Variants in LRRFIP1 observed in about 807,000 individuals in gnomAD.
LRRFIP1 encodes LRR binding FLII interacting protein 1, also known as leucine-rich repeat flightless-interacting protein 1.
A neutral mutation model predicts 104.4 loss-of-function variants in LRRFIP1; 62 were observed. The observed-to-expected ratio is 0.59, with a 90% CI of 0.48 to 0.73. The LOEUF is 0.73. LRRFIP1 is among the 30% of genes least tolerant of loss of function. LRRFIP1 has a pLI of 0.00. For synonymous variants in LRRFIP1, 300 were observed against 299.0 expected (o/e 1.00, Z -0.03); for missense variants, 796 against 824.5 (o/e 0.97, Z 0.42).
intron 19 of LRRFIP1, chr2:237,764,311 A>C: frequency 6.6e-7 from 1 of 1,521,830 alleles, no homozygotes; most frequent in Non-Finnish European, 8.8e-7. Context: ...ATTTCCATGT[A>C]ATCATTGAGG....
intron 1 of LRRFIP1, among the ~76,000 whole-genome samples, chr2:237,690,796 A>C (rs985095035): frequency 3.3e-5 from 5 of 152,140 alleles, no homozygotes; most frequent in African/African-American, 1.2e-4. Context: ...TAAGCGTTAC[A>C]GGGAGAAAAC....
At chr2:237,635,304 T>C (rs146548731) in intron 1 of LRRFIP1, among the ~76,000 whole-genome samples, 25 of 152,308 alleles carry the variant, frequency 1.6e-4, no homozygotes, top group African/African-American at 5.3e-4. Context: ...GTATTGTTAA[T>C]TGGAAAAAGT....
At chr2:237,767,175 CAAAAA>C (rs559639853) in intron 19 of LRRFIP1, among the ~76,000 whole-genome samples, 4 of 147,838 alleles carry the variant, frequency 2.7e-5, no homozygotes, top group African/African-American at 7.5e-5. Context: ...AACCCTGTCT[CAAAAA>C]AAAAGAAAGA....
In LRRFIP1 at chr2:237,717,446, G is replaced by A. The variant is rs1445603404; in HGVS notation, c.202-316G>A. Among the ~76,000 whole-genome samples the A allele has an allele frequency of 2.0e-5, 3 of 152,196 alleles. No individual in the cohort carries two copies. Among genetic ancestry groups the A allele is most frequent in the African/African-American group, 7.2e-5 (3 of 41,446 alleles). The stretch of plus-strand genomic sequence containing the variant: ...GCAGCCTGTTGGAGGGGGCGTGAAG[G>A]CTGCTGGGCCGGCTTTACTGTCCTG... On this transcript the variant is annotated intron_variant, in intron 3 of 23. Transcript: ENST00000308482. The surrounding 1 kb of genome is among the most constrained non-coding windows in gnomAD (Gnocchi z 4.2).
intron 2 of LRRFIP1, among the ~76,000 whole-genome samples, chr2:237,708,962 A>C (rs2093950124): frequency 6.6e-6 from 1 of 152,230 alleles, no homozygotes; most frequent in South Asian, 2.1e-4. Flanking sequence ...GATCCTCTGG[A>C]TTAAAGTGGA....
chr2:237,627,763 C>CG (rs1295754893), intron 1 of LRRFIP1, 23 bp downstream of exon 1: 18 of 1,207,160 alleles, frequency 1.5e-5, no homozygotes, highest in South Asian at 2.8e-5. Context: ...GGAGGGCAGC[C>CG]GGGGGGCGCC....
chr2:237,666,219 T>C (rs919850062), intron 1 of LRRFIP1, among the ~76,000 whole-genome samples: 2 of 152,262 alleles, frequency 1.3e-5, no homozygotes, highest in African/African-American at 4.8e-5. Flanking sequence ...TGAGTCGGGC[T>C]CCATCCCCCA....
intron 1 of LRRFIP1, among the ~76,000 whole-genome samples, chr2:237,664,462 G>C (rs2149488064): frequency 6.6e-6 from 1 of 152,340 alleles, no homozygotes; most frequent in South Asian, 2.1e-4. Context: ...GCCGCCTCGG[G>C]AACAGAAAAG....
At chr2:237,708,516 C>T in intron 1 of LRRFIP1, 28 bp from the exon 2 acceptor site, 2 of 1,534,468 alleles carry the variant, frequency 1.3e-6, no homozygotes, top group South Asian at 1.3e-5. Flanking sequence ...CTGCTCTGTC[C>T]TCTAATAAGA....
At chr2:237,765,837 A>G (rs1340212544) in intron 19 of LRRFIP1, 11 of 976,830 alleles carry the variant, frequency 1.1e-5, no homozygotes, top group Middle Eastern at 5.3e-4. Context: ...ATTGAATGCA[A>G]AAAGACCAAA....
intron 10 of LRRFIP1, among the ~76,000 whole-genome samples, chr2:237,737,713 T>C (rs2095295267): frequency 6.6e-6 from 1 of 152,214 alleles, no homozygotes; most frequent in Non-Finnish European, 1.5e-5. Flanking sequence ...CATTAAGTGT[T>C]TTCCTTATTT....
chr2:237,762,942 G>A, intron 19 of LRRFIP1: 1 of 1,614,248 alleles, frequency 6.2e-7, no homozygotes, highest in East Asian at 2.2e-5. Context: ...CCATCCAACT[G>A]TTGGAGTGAC....
chr2:237,728,428 G>A (rs931250137), intron 8 of LRRFIP1, among the ~76,000 whole-genome samples: 5 of 151,452 alleles, frequency 3.3e-5, no homozygotes, highest in African/African-American at 1.2e-4. Context: ...AAGGCTCCCA[G>A]TTAAGGGGTG....
Position 237,781,532 on chromosome 2 carries a change from C to T in LRRFIP1, c.*2000C>T, listed in dbSNP as rs2061425373. Among the ~76,000 whole-genome samples, 1 of 152,206 alleles carries T rather than the reference C, an allele frequency of 6.6e-6. No individual in the cohort carries two copies. The highest frequency in any genetic ancestry group is 6.5e-5 in the Admixed American group (1 of 15,288). On this transcript the variant is annotated 3_prime_UTR_variant, in exon 24 of 24. Transcript: ENST00000308482. The stretch of plus-strand genomic sequence containing the variant: ...AGCCTTCAGTCTCTACCTCTCCCAC[C>T]AATTCTTTTGGAAACAGCAAACCAA...
intron 20 of LRRFIP1, among the ~76,000 whole-genome samples, chr2:237,771,601 T>C (rs1286189107): frequency 8.0e-6 from 1 of 125,668 alleles, no homozygotes; most frequent in African/African-American, 3.0e-5. Flanking sequence ...CATGTTTCTG[T>C]CTTGCTTAGA....
intron 1 of LRRFIP1, among the ~76,000 whole-genome samples, chr2:237,689,355 C>T (rs1362675701): frequency 6.6e-6 from 1 of 152,178 alleles, no homozygotes; most frequent in African/African-American, 2.4e-5. Flanking sequence ...GAGACTTCCA[C>T]CTCACAGGAC....
chr2:237,650,628 CA>C (rs1321403792), intron 1 of LRRFIP1, among the ~76,000 whole-genome samples: 1 of 152,220 alleles, frequency 6.6e-6, no homozygotes, highest in African/African-American at 2.4e-5. Flanking sequence ...GGGGCAAGAG[CA>C]GAAGCCAGAG....
At chr2:237,665,479 C>T (rs1417002841) in intron 1 of LRRFIP1, among the ~76,000 whole-genome samples, 1 of 152,196 alleles carries the variant, frequency 6.6e-6, no homozygotes, top group African/African-American at 2.4e-5. Context: ...GAGATACCAA[C>T]AAGCCAACAC....
In LRRFIP1 at chr2:237,781,118, T is replaced by C. The variant is rs2061420921; in HGVS notation, c.*1586T>C. Among the ~76,000 whole-genome samples the C allele has an allele frequency of 6.6e-6, 1 of 152,092 alleles. No individual in the cohort carries two copies. Among genetic ancestry groups the C allele is most frequent in the Non-Finnish European group, 1.5e-5 (1 of 68,036 alleles). On this transcript the variant is annotated 3_prime_UTR_variant, in exon 24 of 24. Coordinates refer to ENST00000308482, the MANE Select transcript of LRRFIP1 (RefSeq NM_001137550.2). ...GCTGGGCCCACCGGCAAAAGGGAGA[T>C]ATTCAGTTCCTTGTCTCATCCTTAA...
Sources: gnomAD v4.1 joint callset for allele counts (sites outside exome capture counted in the v4.1 genomes callset) on GRCh38, gnomAD v4.1.1 for gene constraint, Gnocchi (gnomAD v3.1) non-coding constraint, MANE v1.5 for transcripts, NCBI Gene and HGNC (gene_info 2026-07-23, HGNC 2026-07-21) for gene names.